The following BET1 variants were observed in gnomAD, a reference collection of about 807,000 sequenced individuals.
BET1 encodes the protein BET1 homolog.
Under a neutral mutation model 13.9 loss-of-function variants are expected in BET1, and 9 were observed. The observed-to-expected ratio is 0.65, with a 90% CI of 0.39 to 1.13. BET1 has a LOEUF of 1.13. BET1 is among the 50% of genes most tolerant of loss of function. The probability of loss-of-function intolerance (pLI) is 0.01; values close to 1 mark genes in which losing one functional copy is unlikely to be tolerated. For synonymous variants in BET1, 39 were observed against 47.3 expected (o/e 0.82, Z 0.72); for missense variants, 127 against 133.6 (o/e 0.95, Z 0.24).
chr7:93,999,759 TAAATA>T (rs945311087), intron 1 of BET1: 1 of 453,404 alleles, frequency 2.2e-6, no homozygotes, highest in African/African-American at 2.0e-5. Context: ...CTCTTTCTCT[TAAATA>T]GACAGTTGGA....
chr7:93,969,242 G>A (rs1010081580), intron 6 of BET1, among the ~76,000 whole-genome samples: 3 of 151,740 alleles, frequency 2.0e-5, no homozygotes, highest in African/African-American at 7.2e-5. Flanking sequence ...CAGTTTTAAT[G>A]AAATTTCTGT....
chr7:93,999,303 A>C lies in BET1; in HGVS notation c.20-9T>G, dbSNP rs778483908. The C allele has an allele frequency of 1.2e-6, 2 of 1,600,820 alleles. No homozygotes were observed. The highest frequency in any genetic ancestry group is 2.3e-5 in the South Asian group (2 of 87,832). On this transcript the variant is annotated splice_polypyrimidine_tract_variant and intron_variant, in intron 1 of 3. Coordinates refer to ENST00000222547, the MANE Select transcript of BET1 (RefSeq NM_005868.6). ...AGGAGGTACTCCTTCACCTGCAAGGATCAGAGTCACAAAGGTGGTTCTAGA... is the reference window on the plus strand; with the variant it reads ...AGGAGGTACTCCTTCACCTGCAAGGCTCAGAGTCACAAAGGTGGTTCTAGA...
At chr7:93,997,901 T>C (rs1001275142) in intron 2 of BET1, among the ~76,000 whole-genome samples, 1 of 152,194 alleles carries the variant, frequency 6.6e-6, no homozygotes, top group Admixed American at 6.5e-5. Context: ...TCACTATGAA[T>C]AAGTGCTACA....
downstream of BET1, chr7:93,993,018 G>C (rs1795670375): frequency 1.0e-6 from 1 of 983,962 alleles, no homozygotes; most frequent in Non-Finnish European, 1.2e-6. Flanking sequence ...GGTTATTAGG[G>C]ATGAACAAAA....
At chr7:93,977,188 C>T (rs988841997) in intron 4 of BET1, among the ~76,000 whole-genome samples, 4 of 152,046 alleles carry the variant, frequency 2.6e-5, no homozygotes, top group African/African-American at 7.2e-5. Context: ...GGGCTGGGTA[C>T]GGTGGCTCAT....
intron 1 of BET1, among the ~76,000 whole-genome samples, 154 bp downstream of exon 1, chr7:94,004,044 T>C (rs1795972237): frequency 6.6e-6 from 1 of 152,120 alleles, no homozygotes; most frequent in South Asian, 2.1e-4. Flanking sequence ...GGACAAATGG[T>C]GTGTTTCCAC....
chr7:93,974,424 C>T (rs900052315), intron 5 of BET1, among the ~76,000 whole-genome samples: 13 of 151,766 alleles, frequency 8.6e-5, no homozygotes, highest in African/African-American at 2.7e-4. Flanking sequence ...AGAAAATATA[C>T]AAGATAAGAC....
At chr7:93,997,902 A>C (rs1795806865) in intron 2 of BET1, among the ~76,000 whole-genome samples, 1 of 152,246 alleles carries the variant, frequency 6.6e-6, no homozygotes, top group Non-Finnish European at 1.5e-5. Context: ...CACTATGAAT[A>C]AGTGCTACAG....
chr7:93,993,819 C>T lies in BET1; in HGVS notation c.*411G>A. ...TAGGAAAATTCAATTACCATTTTAC[C>T]ACAAACTGGCTGACTACTTCAAGAG... On this transcript the variant is annotated 3_prime_UTR_variant, in exon 4 of 4. Coordinates refer to ENST00000222547, the MANE Select transcript of BET1 (RefSeq NM_005868.6). 6.6e-7 allele frequency: 1 copy of T among 1,526,688 alleles called. No individual in the cohort carries two copies. Among genetic ancestry groups the T allele is most frequent in the Non-Finnish European group, 8.7e-7 (1 of 1,143,502 alleles). 94.6% of individuals were successfully genotyped at this position (1,526,688 alleles called of 1,614,324 possible).
downstream of BET1, among the ~76,000 whole-genome samples, chr7:93,991,216 T>C (rs891962816): frequency 2.0e-5 from 3 of 152,150 alleles, no homozygotes; most frequent in African/African-American, 7.2e-5. Context: ...GTAGGAAGAT[T>C]TTATCCATAC....
At chr7:93,992,196 A>T, downstream of BET1, 2 of 985,368 alleles carry the variant, frequency 2.0e-6, no homozygotes, top group Non-Finnish European at 2.4e-6. Context: ...AGTACTTAGA[A>T]ATAAAAATCA....
In BET1 at chr7:93,996,806, C is replaced by T. The variant is rs115303250; in HGVS notation, c.145-485G>A. 3.1e-3 allele frequency among the ~76,000 whole-genome samples: 471 copies of T among 151,268 alleles called. 8 individuals carry two copies. The highest frequency in any genetic ancestry group is 0.011 in the African/African-American group (444 of 41,368). On this transcript the variant is annotated intron_variant, in intron 2 of 3. Coordinates refer to ENST00000222547, the MANE Select transcript of BET1 (RefSeq NM_005868.6). ...ACTCATGTCACATGGATTTGTTGTA[C>T]GGATTATTTCGTCAACCAAGAATTA...
chr7:93,977,417 C>A lies in BET1; in HGVS notation c.236-1317G>T, dbSNP rs137951774. On this transcript the variant is annotated intron_variant and NMD_transcript_variant, in intron 4 of 6. Transcript: ENST00000357520. The stretch of plus-strand genomic sequence containing the variant: ...CAGAATGCATTCTAATTAGATAAAC[C>A]CCAAACAGATGGTACAGATTACGGG... Among the ~76,000 whole-genome samples the A allele has an allele frequency of 1.2e-4, 18 of 152,080 alleles. No individual in the cohort carries two copies. In the East Asian group the frequency reaches 3.1e-3, roughly 26 times the overall value.
chr7:93,967,158 T>A (rs10282208), intron 6 of BET1, among the ~76,000 whole-genome samples: 34,328 of 151,714 alleles, frequency 0.23, 4,015 homozygotes, highest in Non-Finnish European at 0.26. Context: ...TTTTAATGAA[T>A]ACATATCTAT....
Position 93,993,981 on chromosome 7 carries a change from A to G in BET1, c.*249T>C. On this transcript the variant is annotated 3_prime_UTR_variant, in exon 4 of 4. Coordinates refer to ENST00000222547, the MANE Select transcript of BET1 (RefSeq NM_005868.6). Reference sequence around the variant, plus strand: ...ACAGTTGGCAAACAATAGAAAAACAAACTGGAAATTAGTGGAGCCACACCC... The same window carrying G: ...ACAGTTGGCAAACAATAGAAAAACAGACTGGAAATTAGTGGAGCCACACCC... 1 of 1,531,582 alleles carries G rather than the reference A, an allele frequency of 6.5e-7. No individual in the cohort carries two copies. The highest frequency in any genetic ancestry group is 8.7e-7 in the Non-Finnish European group (1 of 1,145,046). The allele number at this position is 1,531,582 out of a possible 1,614,324, so 94.9% of individuals were successfully genotyped here. A position where few individuals can be genotyped will look rare whatever the true frequency, so the allele number is the denominator to read the frequency against.
chr7:93,986,043 G>A (rs928500193), intron 4 of BET1, among the ~76,000 whole-genome samples: 3 of 152,032 alleles, frequency 2.0e-5, no homozygotes, highest in Middle Eastern at 3.4e-3. Flanking sequence ...TTCTGTTATC[G>A]TCTCAGCTAA....
In BET1 at chr7:93,996,315, T is replaced by C; in HGVS notation, c.151A>G (p.Ile51Val). 3.8e-6 allele frequency: 6 copies of C among 1,574,114 alleles called. No individual in the cohort carries two copies. Among genetic ancestry groups the C allele is most frequent in the Non-Finnish European group, 5.2e-6 (6 of 1,157,436 alleles). ...GTTTTAACTTCATGGCCTATTTCAA[T>C]GGAAAGCTATAAAGAAGAAGGTATA... ...SKVTAIKSLS[I>V]EIGHEVKTQN... The change falls in exon 3 of 4, where the codon ATT (isoleucine) becomes GTT (valine). Residue 51 changes from isoleucine to valine, a missense_variant. Transcript: ENST00000222547.
chr7:93,988,965 A>G (rs913704572), downstream of BET1, among the ~76,000 whole-genome samples: 1 of 148,128 alleles, frequency 6.8e-6, no homozygotes, highest in Admixed American at 6.8e-5. Flanking sequence ...ATATATATAC[A>G]TATATAAAAG....
At chr7:93,972,965 T>C (rs1445936140) in intron 5 of BET1, among the ~76,000 whole-genome samples, 3 of 151,850 alleles carry the variant, frequency 2.0e-5, no homozygotes, top group East Asian at 3.9e-4. Context: ...ATATCATTTA[T>C]TTTTGAAGCT....
Sources: allele counts gnomAD v4.1 joint callset (sites outside exome capture counted in the v4.1 genomes callset), GRCh38; gene constraint gnomAD v4.1.1; transcripts MANE v1.5; gene names NCBI Gene and HGNC (gene_info 2026-07-23, HGNC 2026-07-21).